The following TDP1 variants were observed in gnomAD, a reference collection of about 807,000 sequenced individuals.
TDP1 encodes tyrosyl-DNA phosphodiesterase 1, also known as tyr-DNA phosphodiesterase 1.
TDP1 carries 64 observed loss-of-function variants against 81.5 expected under a neutral mutation model. The ratio of observed to expected loss-of-function variants is 0.79; its 90% confidence interval spans 0.64 to 0.97. The LOEUF (loss-of-function observed/expected upper bound fraction) is 0.97, where lower values mean the gene tolerates loss of function less well. Among genes scored for constraint, TDP1 ranks in the 50% least tolerant of loss-of-function variants. TDP1 has a pLI of 0.00. For synonymous variants in TDP1, 256 were observed against 264.3 expected, an observed-to-expected ratio of 0.97 and a Z score of 0.30; for missense variants, 723 against 743.8, an observed-to-expected ratio of 0.97 and a Z score of 0.33.
At chr14:90,017,413 T>A (rs1885446174) in intron 14 of TDP1, among the ~76,000 whole-genome samples, 1 of 152,204 alleles carries the variant, frequency 6.6e-6, no homozygotes, top group Non-Finnish European at 1.5e-5. Flanking sequence ...AGGCTCTCAG[T>A]GTTCACAGTA....
chr14:89,973,693 T>G (rs1014165858), intron 6 of TDP1, among the ~76,000 whole-genome samples: 3 of 152,166 alleles, frequency 2.0e-5, no homozygotes, highest in Admixed American at 6.5e-5. Context: ...TCACATTGCC[T>G]GGGCTCAGTC....
At chr14:89,983,855 CTG>C in intron 8 of TDP1, among the ~76,000 whole-genome samples, 1 of 152,284 alleles carries the variant, frequency 6.6e-6, no homozygotes, top group Non-Finnish European at 1.5e-5. Flanking sequence ...TGAAAGATGT[CTG>C]TAATGCTTCT....
Position 90,033,100 on chromosome 14 carries a change from C to G in TDP1, c.1645-6C>G. The G allele has an allele frequency of 6.3e-7, 1 of 1,588,050 alleles. No individual in the cohort carries two copies. On this transcript the variant is annotated splice_polypyrimidine_tract_variant and splice_region_variant and intron_variant, in intron 15 of 16. Transcript: ENST00000335725. ...GCAATCATAGATTTCCTCTGTGTGT[C>G]TGCAGGGTCTAGACAGTTTCAAAGT...
chr14:89,976,703 A>T (rs1425080304), intron 7 of TDP1, among the ~76,000 whole-genome samples: 1 of 151,658 alleles, frequency 6.6e-6, no homozygotes, highest in African/African-American at 2.4e-5. Flanking sequence ...CACCTGGCTA[A>T]CTTTTATATT....
intron 7 of TDP1, among the ~76,000 whole-genome samples, chr14:89,976,931 A>C (rs578189916): frequency 6.6e-6 from 1 of 152,094 alleles, no homozygotes; most frequent in African/African-American, 2.4e-5. Context: ...AGGTGGGTGG[A>C]TTATTTGAGA....
intron 10 of TDP1, among the ~76,000 whole-genome samples, chr14:89,986,472 C>G (rs1895570162): frequency 6.6e-6 from 1 of 152,232 alleles, no homozygotes; most frequent in Non-Finnish European, 1.5e-5. Flanking sequence ...GGACAAATGT[C>G]TAATGGTTTA....
intron 2 of TDP1, among the ~76,000 whole-genome samples, chr14:89,961,686 C>A (rs975992078): frequency 5.3e-5 from 8 of 152,108 alleles, no homozygotes; most frequent in African/African-American, 1.4e-4. Flanking sequence ...TCTCTGGGGT[C>A]CCCTTAGCCA....
Position 89,963,629 on chromosome 14 carries a change from C to G in TDP1, c.515C>G (p.Ser172Cys), listed in dbSNP as rs1159942327. ...NPFQFYLTRV[S>C]GVKPKYNSGA... is the part of the protein sequence containing the mutation. Reference sequence around the variant, plus strand: ...TTCCAGTTTTACCTCACTAGAGTCTCTGGAGTTAAGCCAAAGTATAACTCT... The same window carrying G: ...TTCCAGTTTTACCTCACTAGAGTCTGTGGAGTTAAGCCAAAGTATAACTCT... Residue 172 changes from serine to cysteine, a missense_variant, in exon 3 of 17, where the codon TCT (serine) becomes TGT (cysteine). Coordinates refer to ENST00000335725, the MANE Select transcript of TDP1 (RefSeq NM_018319.4). The G allele has an allele frequency of 6.2e-7, 1 of 1,614,006 alleles. No homozygotes were observed. The highest frequency in any genetic ancestry group is 2.2e-5 in the East Asian group (1 of 44,894).
chr14:89,984,582 A>T lies in TDP1; in HGVS notation c.951A>T (p.Thr317=). 1 of 1,614,172 alleles carries T rather than the reference A, an allele frequency of 6.2e-7. No homozygotes were observed. The highest frequency in any genetic ancestry group is 8.5e-7 in the Non-Finnish European group (1 of 1,180,028). ...CCCACAAATCTGGAGAGTCGCCAAC[A>T]CATTTTAAAGCTGATCTCATCAGTT... The part of the protein sequence containing the change: ...DGTHKSGESP[T]HFKADLISYL... Residue 317 remains threonine, a synonymous_variant, in exon 9 of 17, where the codon ACA becomes ACT. Coordinates refer to ENST00000335725, the MANE Select transcript of TDP1 (RefSeq NM_018319.4).
chr14:90,019,147 ACAG>A (rs1184908444), intron 14 of TDP1, 166 bp from the exon 15 acceptor site: 104 of 931,876 alleles, frequency 1.1e-4, no homozygotes, highest in Admixed American at 1.9e-4. Context: ...GGATTAGAGA[ACAG>A]CAGATTTTAA....
In TDP1 at chr14:89,984,583, C is replaced by T. The variant is rs372524167; in HGVS notation, c.952C>T (p.His318Tyr). 6 of 1,614,024 alleles carry T rather than the reference C, an allele frequency of 3.7e-6. No individual in the cohort carries two copies. The highest frequency in any genetic ancestry group is 5.1e-6 in the Non-Finnish European group (6 of 1,180,030). ...CCACAAATCTGGAGAGTCGCCAACA[C>T]ATTTTAAAGCTGATCTCATCAGTTA... ...GTHKSGESPT[H>Y]FKADLISYLM... The change falls in exon 9 of 17, where the codon CAT becomes TAT. Residue 318 changes from histidine to tyrosine, a missense_variant. By Grantham distance (83) the His-to-Tyr change is moderately conservative. Transcript: ENST00000335725.
chr14:90,002,713 A>T (rs1343105696), intron 14 of TDP1, among the ~76,000 whole-genome samples: 8 of 151,440 alleles, frequency 5.3e-5, no homozygotes, highest in African/African-American at 1.9e-4. Flanking sequence ...CTACAAAAAA[A>T]AAAAAAAAGG....
intron 14 of TDP1, among the ~76,000 whole-genome samples, chr14:90,003,377 C>A (rs918951321): frequency 5.3e-5 from 8 of 152,136 alleles, no homozygotes; most frequent in African/African-American, 1.9e-4. Flanking sequence ...TGGCGATTTC[C>A]TCTTTTGATT....
At chr14:89,975,731 A>G (rs748602296) in intron 6 of TDP1, 50 bp from the exon 7 acceptor site, 5 of 1,467,582 alleles carry the variant, frequency 3.4e-6, no homozygotes, top group South Asian at 3.4e-5. Context: ...TCCAGTAGAT[A>G]TGGATATTAG....
At chr14:89,989,130 T>C (rs1378153856) in intron 11 of TDP1, 40 bp downstream of exon 11, 9 of 1,574,474 alleles carry the variant, frequency 5.7e-6, no homozygotes, top group Non-Finnish European at 7.8e-6. Context: ...ACTTTTATTC[T>C]CTACACAGGA....
chr14:89,959,624 AC>A (rs1892097426), intron 2 of TDP1, among the ~76,000 whole-genome samples: 1 of 152,104 alleles, frequency 6.6e-6, no homozygotes, highest in Admixed American at 6.6e-5. Flanking sequence ...ATAGAGCAGA[AC>A]CCCAAAAAAA....
At chr14:89,967,649 G>A (rs1429390729) in intron 5 of TDP1, among the ~76,000 whole-genome samples, 1 of 152,200 alleles carries the variant, frequency 6.6e-6, no homozygotes, top group Non-Finnish European at 1.5e-5. Flanking sequence ...CTTTCAGGAA[G>A]TAGATAAGGA....
At chr14:90,040,362 G>T (rs1888243962) in intron 16 of TDP1, among the ~76,000 whole-genome samples, 2 of 152,212 alleles carry the variant, frequency 1.3e-5, no homozygotes, top group Admixed American at 6.5e-5. Flanking sequence ...TGATAAAAAT[G>T]CATATTGCCA....
At chr14:90,026,414 C>T (rs1310735328) in intron 15 of TDP1, among the ~76,000 whole-genome samples, 1 of 152,262 alleles carries the variant, frequency 6.6e-6, no homozygotes, top group Non-Finnish European at 1.5e-5. Context: ...ACTCCTTCCT[C>T]TCACCTGTCC....
Sources: allele counts gnomAD v4.1 joint callset (sites outside exome capture counted in the v4.1 genomes callset), GRCh38; gene constraint gnomAD v4.1.1; transcripts MANE v1.5; gene names NCBI Gene and HGNC (gene_info 2026-07-23, HGNC 2026-07-21).